ERCC6: variants seen among roughly 807,000 people sequenced by gnomAD.
ERCC6 encodes the protein DNA excision repair protein ERCC-6.
A neutral mutation model predicts 158.7 loss-of-function variants in ERCC6; 116 were observed. That is an observed-to-expected ratio of 0.73 (90% CI 0.63 to 0.85). The LOEUF (loss-of-function observed/expected upper bound fraction) is 0.85, where lower values mean the gene tolerates loss of function less well. Among genes scored for constraint, ERCC6 ranks in the 40% least tolerant of loss-of-function variants. ERCC6 has a pLI of 0.00. For synonymous variants in ERCC6, 678 were observed against 659.3 expected, an observed-to-expected ratio of 1.03 and a Z score of -0.43; for missense variants, 1,698 against 1,799.4, an observed-to-expected ratio of 0.94 and a Z score of 1.02.
chr10:49,479,594 G>A (rs1321978803), intron 10 of ERCC6, among the ~76,000 whole-genome samples: 1 of 152,150 alleles, frequency 6.6e-6, no homozygotes, highest in Non-Finnish European at 1.5e-5. Context: ...GATTTCTGAT[G>A]CAGAGATGAT....
At chr10:49,485,623 A>T (rs1851063717) in intron 8 of ERCC6, among the ~76,000 whole-genome samples, 1 of 152,218 alleles carries the variant, frequency 6.6e-6, no homozygotes. Context: ...AATGGTAGAA[A>T]GGTACACAGG....
intron 4 of ERCC6, among the ~76,000 whole-genome samples, chr10:49,526,110 TATATTTTTATATATATA>T (rs1837322845): frequency 2.6e-5 from 2 of 75,922 alleles, no homozygotes; most frequent in African/African-American, 1.3e-4. Context: ...TATATATTTA[TATATTTTTATATATATA>T]TATATATATA....
rs41562713 is a variant in ERCC6, at chr10:49,470,984, T to C, written c.3061A>G (p.Ile1021Val). Residue 1021 changes from isoleucine to valine, a missense_variant, in exon 17 of 21, where the codon ATT becomes GTT. Coordinates refer to ENST00000355832, the MANE Select transcript of ERCC6 (RefSeq NM_000124.4). ...DASQSTETSA[I>V]FAGTGSDVQT... ...TGATTTTATGTAATACCTGCAAAAATTGCACTTGTTTCAGTGCTCTGGGAT... is the reference window on the plus strand; with the variant it reads ...TGATTTTATGTAATACCTGCAAAAACTGCACTTGTTTCAGTGCTCTGGGAT... The C allele has an allele frequency of 2.0e-3, 3,201 of 1,614,058 alleles. 3 individuals are homozygous for C. Among genetic ancestry groups the C allele is most frequent in the Non-Finnish European group, 2.5e-3 (2,936 of 1,180,012 alleles).
intron 8 of ERCC6, among the ~76,000 whole-genome samples, chr10:49,492,284 G>A (rs1469960501): frequency 6.6e-6 from 1 of 152,042 alleles, no homozygotes. Flanking sequence ...TGCTTTCCTG[G>A]GCCCCGAGAA....
At chr10:49,503,941 A>T (rs990405532) in intron 6 of ERCC6, 1 of 152,180 alleles carries the variant, frequency 6.6e-6, no homozygotes, top group Non-Finnish European at 1.5e-5. Flanking sequence ...ATAAGGTCAA[A>T]AGATTGAAGT....
chr10:49,519,111 CA>C (rs2132608198), intron 5 of ERCC6, among the ~76,000 whole-genome samples: 1 of 152,338 alleles, frequency 6.6e-6, no homozygotes, highest in South Asian at 2.1e-4. Context: ...TCCCAGATTA[CA>C]GGCTTAGGTT....
intron 6 of ERCC6, chr10:49,505,134 T>C (rs1444234855): frequency 2.6e-5 from 4 of 152,136 alleles, no homozygotes; most frequent in Non-Finnish European, 4.4e-5. Context: ...CCTATATGCA[T>C]CTAAGAAGCC....
At chr10:49,535,171 G>A (rs1008752179) in intron 1 of ERCC6, among the ~76,000 whole-genome samples, 10 of 152,240 alleles carry the variant, frequency 6.6e-5, no homozygotes, top group African/African-American at 1.4e-4. Flanking sequence ...GGACAAATGA[G>A]TCACCAGTGA....
At chr10:49,463,550 A>G (rs1850620815) in intron 18 of ERCC6, among the ~76,000 whole-genome samples, 1 of 152,220 alleles carries the variant, frequency 6.6e-6, no homozygotes, top group Non-Finnish European at 1.5e-5. Flanking sequence ...GAATAAGGGA[A>G]TATAAAATTA....
At chr10:49,473,938 A>G (rs1850828734) in intron 13 of ERCC6, 89 bp downstream of exon 13, 2 of 1,203,472 alleles carry the variant, frequency 1.7e-6, no homozygotes, top group African/African-American at 3.0e-5. Flanking sequence ...CTTGCTTCAG[A>G]ATCATTACTT....
At chr10:49,516,370 G>A in intron 5 of ERCC6, 1 of 1,614,122 alleles carries the variant, frequency 6.2e-7, no homozygotes, top group African/African-American at 1.3e-5. Flanking sequence ...TTGCTTATGA[G>A]AGGTCGCAAT....
intron 6 of ERCC6, chr10:49,505,240 G>C (rs1851423793): frequency 6.6e-6 from 1 of 152,250 alleles, no homozygotes; most frequent in East Asian, 1.9e-4. Context: ...CCAGCCCTTA[G>C]AGACAACATG....
At chr10:49,466,097 T>C (rs1481653713) in intron 18 of ERCC6, among the ~76,000 whole-genome samples, 1 of 152,084 alleles carries the variant, frequency 6.6e-6, no homozygotes, top group African/African-American at 2.4e-5. Flanking sequence ...AACAAATAAA[T>C]TAACCTAACT....
chr10:49,515,582 A>G (rs776925428), intron 5 of ERCC6: 2 of 1,614,132 alleles, frequency 1.2e-6, no homozygotes, highest in South Asian at 2.2e-5. Flanking sequence ...ACTCCAGAAA[A>G]TCCACTGGTT....
Position 49,532,911 on chromosome 10 carries a change from T to A in ERCC6, c.54A>T (p.Leu18Phe), listed in dbSNP as rs1837506690. The change falls in exon 2 of 21, where the codon TTA becomes TTT. Residue 18 changes from leucine to phenylalanine, a missense_variant. Transcript: ENST00000355832. ...CATTATTACTGACAGGTTGACTCTG[T>A]AAACAGTCTTGCTCCTGAGTTTGAC... ...HSSQTQEQDC[L>F]QSQPVSNNEE... 13 of 1,614,240 alleles carry A rather than the reference T, an allele frequency of 8.1e-6. No individual in the cohort carries two copies. Among genetic ancestry groups the A allele is most frequent in the Non-Finnish European group, 1.1e-5 (13 of 1,180,046 alleles).
chr10:49,441,749 C>T, the ERCC6 span, among the ~76,000 whole-genome samples: 1 of 152,240 alleles, frequency 6.6e-6, no homozygotes, highest in Non-Finnish European at 1.5e-5. Flanking sequence ...GCGCCAGCCC[C>T]GCTGTGCACA....
intron 9 of ERCC6, 121 bp from the exon 10 acceptor site, chr10:49,482,984 G>T (rs762375322): frequency 3.8e-6 from 4 of 1,057,386 alleles, no homozygotes; most frequent in Non-Finnish European, 5.7e-6. Flanking sequence ...CATCATTTTG[G>T]TACTCTCCAA....
the ERCC6 span, among the ~76,000 whole-genome samples, chr10:49,439,785 T>C: frequency 6.6e-6 from 1 of 152,288 alleles, no homozygotes; most frequent in Admixed American, 6.5e-5. Context: ...TTTCTTCCGC[T>C]AGATACCCTA....
At chr10:49,501,042 C>A in intron 6 of ERCC6, 2 of 258,472 alleles carry the variant, frequency 7.7e-6, no homozygotes, top group Non-Finnish European at 1.5e-5. Flanking sequence ...GGAAAAAATC[C>A]CAAATATTTT....
Sources: allele counts gnomAD v4.1 joint callset (sites outside exome capture counted in the v4.1 genomes callset), GRCh38; gene constraint gnomAD v4.1.1; transcripts MANE v1.5; gene names NCBI Gene and HGNC (gene_info 2026-07-23, HGNC 2026-07-21).